Variants in ATG14 observed in about 807,000 individuals in gnomAD.
The protein encoded by ATG14 is autophagy related 14.
In ATG14, 35 loss-of-function variants were observed where a neutral mutation model predicts 60.4. The ratio of observed to expected loss-of-function variants is 0.58; its 90% CI spans 0.44 to 0.77. The LOEUF (loss-of-function observed/expected upper bound fraction) is 0.77. Ranked by LOEUF, ATG14 falls within the 30% of genes least tolerant of loss-of-function variation. The pLI, the probability that ATG14 is intolerant of heterozygous loss-of-function variation, is 0.00. For synonymous variants in ATG14, 234 were observed against 228.8 expected (o/e 1.02, Z -0.21); for missense variants, 647 against 626.3 (o/e 1.03, Z -0.35).
intron 3 of ATG14, chr14:55,394,859 C>T: frequency 5.9e-6 from 2 of 338,096 alleles, no homozygotes; most frequent in South Asian, 4.9e-5. Flanking sequence ...AAGCTGACAC[C>T]CAAGACAGTA....
intron 1 of ATG14, among the ~76,000 whole-genome samples, chr14:55,401,945 C>T (rs922350934): frequency 2.6e-5 from 4 of 152,148 alleles, no homozygotes; most frequent in South Asian, 2.1e-4. Context: ...AAAACAATGA[C>T]GGGAGTATGC....
intron 1 of ATG14, among the ~76,000 whole-genome samples, chr14:55,409,985 G>A (rs1885546350): frequency 6.6e-6 from 1 of 151,774 alleles, no homozygotes; most frequent in South Asian, 2.1e-4. Context: ...AAGAGTAGAT[G>A]GGATTTGTTG....
intron 9 of ATG14, among the ~76,000 whole-genome samples, chr14:55,373,191 T>C (rs1884855885): frequency 6.6e-6 from 1 of 152,204 alleles, no homozygotes; most frequent in Non-Finnish European, 1.5e-5. Context: ...TCCTAATTTT[T>C]AGTTTAGCTG....
At chr14:55,400,042 T>C (rs1254731586) in intron 1 of ATG14, among the ~76,000 whole-genome samples, 3 of 152,224 alleles carry the variant, frequency 2.0e-5, no homozygotes, top group African/African-American at 4.8e-5. Context: ...ACCAACCTAA[T>C]ACTTCATGAG....
intron 9 of ATG14, among the ~76,000 whole-genome samples, chr14:55,372,833 T>C (rs1046774866): frequency 6.6e-6 from 1 of 152,076 alleles, no homozygotes; most frequent in Non-Finnish European, 1.5e-5. Flanking sequence ...GAGGAGGAAA[T>C]GTCCAAGTTC....
Position 55,397,440 on chromosome 14 carries a change from A to C in ATG14, c.222-6T>G. The C allele has an allele frequency of 6.2e-7, 1 of 1,609,672 alleles. No homozygotes were observed. Among genetic ancestry groups the C allele is most frequent in the Non-Finnish European group, 8.5e-7 (1 of 1,176,354 alleles). On this transcript the variant is annotated splice_region_variant and splice_polypyrimidine_tract_variant and intron_variant, in intron 1 of 9. Coordinates refer to ENST00000247178, the MANE Select transcript of ATG14 (RefSeq NM_014924.5). ...TTTCCTTCTTGTCGATAAACCTGTA[A>C]CAAAAAAATTCAATGTCTTATTTAA...
At position 55,402,961 on chromosome 14, in the gene ATG14, AT is replaced by A. The variant is rs1566585773; in HGVS notation, c.222-5528del. The stretch of plus-strand genomic sequence containing the variant: ...TATATATATATATATATATATATAT[AT>A]ATATATAAATAGCTGGGCATAGTGG... On this transcript the variant is annotated intron_variant, in intron 1 of 9. Transcript: ENST00000247178. Among the ~76,000 whole-genome samples the A allele has an allele frequency of 1.6e-3, 125 of 76,734 alleles. 1 individual carries two copies. The highest frequency in any genetic ancestry group is 4.6e-3 in the East Asian group (15 of 3,256). The allele number at this position is 76,734 out of a possible 152,430, so 50.3% of individuals were successfully genotyped here.
chr14:55,380,678 C>T lies in ATG14; in HGVS notation c.890G>A (p.Ser297Asn). 1 of 1,603,180 alleles carries T rather than the reference C, an allele frequency of 6.2e-7. No homozygotes were observed. Among genetic ancestry groups the T allele is most frequent in the Admixed American group, 1.7e-5 (1 of 58,236 alleles). ...KTTQGPDMEQSNPAYTISAAL... is the reference protein window; with the variant it reads ...KTTQGPDMEQNNPAYTISAAL... The stretch of plus-strand genomic sequence containing the variant: ...AGCACTGATGGTGTAGGCAGGGTTA[C>T]TCTGCTCCATGTCTGCAGTAAGAAA... The change falls in exon 7 of 10, where the codon AGT (serine) becomes AAT (asparagine). Residue 297 changes from serine to asparagine, a missense_variant. Physicochemically the swap from Ser to Asn is conservative, Grantham distance 46. Transcript: ENST00000247178.
chr14:55,395,166 C>T (rs965833105), intron 3 of ATG14: 60 of 458,700 alleles, frequency 1.3e-4, no homozygotes, highest in South Asian at 8.3e-4. Context: ...AGCTGATAAG[C>T]GTGCCGATCT....
intron 1 of ATG14, among the ~76,000 whole-genome samples, chr14:55,409,905 G>A (rs909258994): frequency 6.6e-6 from 1 of 152,222 alleles, no homozygotes; most frequent in Non-Finnish European, 1.5e-5. Context: ...GACATAAGAG[G>A]AAATAAGTTT....
chr14:55,399,034 G>C (rs188064192), intron 1 of ATG14, among the ~76,000 whole-genome samples: 1 of 152,098 alleles, frequency 6.6e-6, no homozygotes, highest in Non-Finnish European at 1.5e-5. Flanking sequence ...GGCCATAACA[G>C]ACCTAAAAAT....
At chr14:55,376,648 G>A (rs935965642) in intron 9 of ATG14, among the ~76,000 whole-genome samples, 1 of 152,178 alleles carries the variant, frequency 6.6e-6, no homozygotes, top group Admixed American at 6.5e-5. Context: ...CCAGGCACAC[G>A]TGTTAGTGGA....
intron 7 of ATG14, among the ~76,000 whole-genome samples, chr14:55,378,567 C>A (rs970883725): frequency 2.0e-5 from 3 of 152,188 alleles, no homozygotes. Flanking sequence ...TACCCACAGC[C>A]TCTTTCCTTA....
chr14:55,375,970 CTAAT>C (rs774687638), intron 9 of ATG14, among the ~76,000 whole-genome samples: 2 of 152,212 alleles, frequency 1.3e-5, no homozygotes, highest in African/African-American at 2.4e-5. Context: ...ATTTTCCCCC[CTAAT>C]TATTAATGGG....
intron 1 of ATG14, among the ~76,000 whole-genome samples, chr14:55,404,846 T>C (rs1885464274): frequency 6.6e-6 from 1 of 152,212 alleles, no homozygotes; most frequent in Admixed American, 6.5e-5. Flanking sequence ...AAGATTAGTA[T>C]AACCCAGGAG....
intron 1 of ATG14, among the ~76,000 whole-genome samples, chr14:55,402,927 ATATATATATATATATATATAT>A (rs1373284301): frequency 3.4e-4 from 3 of 8,928 alleles, no homozygotes; most frequent in African/African-American, 2.0e-3. Context: ...AAAAAAAAAA[ATATATATATATATATATATAT>A]ATATATATAT....
intron 9 of ATG14, among the ~76,000 whole-genome samples, chr14:55,373,376 CAG>C (rs1884859108): frequency 6.6e-6 from 1 of 152,100 alleles, no homozygotes; most frequent in Non-Finnish European, 1.5e-5. Context: ...TTGATGGACA[CAG>C]AAACTGCACA....
chr14:55,403,710 T>C (rs566641680), intron 1 of ATG14, among the ~76,000 whole-genome samples: 108 of 151,910 alleles, frequency 7.1e-4, no homozygotes, highest in Non-Finnish European at 1.3e-3. Flanking sequence ...ACCAGCAAAA[T>C]AGTATGTATT....
Position 55,369,830 on chromosome 14 carries a change from C to T in ATG14, c.1268G>A (p.Arg423His), listed in dbSNP as rs753707798. 1.7e-5 allele frequency: 28 copies of T among 1,614,168 alleles called. No homozygotes were observed. The Middle Eastern group carries it at 8.3e-4, about 48-fold the overall frequency. Residue 423 changes from arginine (R) to histidine (H), a missense_variant, in exon 10 of 10, where the codon CGC (arginine) becomes CAC (histidine). Transcript: ENST00000247178. Reference sequence around the variant, plus strand: ...CAGGTCGGTTTCTTCATCGCTGACGCGCTCATCTCCGCTCTCATCTGATTC... The same window carrying T: ...CAGGTCGGTTTCTTCATCGCTGACGTGCTCATCTCCGCTCTCATCTGATTC... ...AGESDESGDE[R>H]VSDEETDLGT...
Sources: gnomAD v4.1 joint callset for allele counts (sites outside exome capture counted in the v4.1 genomes callset) on GRCh38, gnomAD v4.1.1 for gene constraint, MANE v1.5 for transcripts, NCBI Gene and HGNC (gene_info 2026-07-23, HGNC 2026-07-21) for gene names.